Variants in RNF111 observed in about 807,000 individuals in gnomAD.
The protein encoded by RNF111 is E3 ubiquitin-protein ligase Arkadia.
RNF111 carries 17 observed loss-of-function variants against 95.1 expected under a neutral mutation model. The observed-to-expected ratio is 0.18, with a 90% CI of 0.12 to 0.27. The LOEUF is 0.27. RNF111 is among the 10% of genes least tolerant of loss of function. The pLI, the probability that RNF111 is intolerant of heterozygous loss-of-function variation, is 1.00. For missense variants in RNF111, 1,189 were observed against 1,210.4 expected (o/e 0.98, Z 0.26); for synonymous variants, 440 against 414.8 (o/e 1.06, Z -0.74).
chr15:59,021,179 C>G (rs2040323318), intron 1 of RNF111, among the ~76,000 whole-genome samples: 1 of 152,148 alleles, frequency 6.6e-6, no homozygotes, highest in African/African-American at 2.4e-5. Flanking sequence ...GAGATGAAGT[C>G]TTGCTCTGTT....
chr15:59,041,228 C>CT lies in RNF111; in HGVS notation c.880+9534dup, dbSNP rs1341960270. On this transcript the variant is annotated intron_variant, in intron 2 of 13. Coordinates refer to ENST00000348370, the MANE Select transcript of RNF111 (RefSeq NM_017610.8). ...CTCCTATTGATGAACAGTTTGCAGA[C>CT]TTTTTTTTATTATTTTAAATAGCAC... Among the ~76,000 whole-genome samples, 7 of 152,106 alleles carry CT rather than the reference C, an allele frequency of 4.6e-5. No homozygotes were observed. The South Asian group carries it at 8.3e-4, about 18-fold the overall frequency.
intron 2 of RNF111, among the ~76,000 whole-genome samples, chr15:59,051,939 A>G (rs2042005677): frequency 6.6e-6 from 1 of 152,130 alleles, no homozygotes; most frequent in African/African-American, 2.4e-5. Flanking sequence ...TTGAGCTATT[A>G]AAGGGTTAAT....
At position 59,068,018 on chromosome 15, in the gene RNF111, C is replaced by G. The variant is rs573811432; in HGVS notation, c.1686+935C>G. On this transcript the variant is annotated intron_variant, in intron 6 of 13. Transcript: ENST00000348370. Reference sequence around the variant, plus strand: ...AGTATTAAATTAGTATTGGCAATCACGTGGAGTAAAAGAAGTCAAGCGTTC... The same window carrying G: ...AGTATTAAATTAGTATTGGCAATCAGGTGGAGTAAAAGAAGTCAAGCGTTC... 4.6e-5 allele frequency among the ~76,000 whole-genome samples: 7 copies of G among 152,246 alleles called. No homozygotes were observed. The South Asian group carries it at 1.5e-3, about 32-fold the overall frequency.
At chr15:58,989,809 T>G (rs2038731355) in intron 1 of RNF111, among the ~76,000 whole-genome samples, 3 of 152,134 alleles carry the variant, frequency 2.0e-5, no homozygotes, top group Admixed American at 6.6e-5. Flanking sequence ...GTTATTTTAC[T>G]TTAAAATAAA....
intron 1 of RNF111, among the ~76,000 whole-genome samples, chr15:58,994,484 T>C (rs2038961107): frequency 7.0e-6 from 1 of 142,318 alleles, no homozygotes; most frequent in African/African-American, 2.6e-5. Flanking sequence ...TTTTTTTTTT[T>C]TTTTTTTTTT....
intron 1 of RNF111, among the ~76,000 whole-genome samples, chr15:59,023,975 G>C (rs1425332411): frequency 6.6e-6 from 1 of 152,088 alleles, no homozygotes; most frequent in African/African-American, 2.4e-5. Flanking sequence ...CCAAGAAGTA[G>C]CATGTAGATC....
At chr15:58,997,890 T>C (rs1293298410) in intron 1 of RNF111, among the ~76,000 whole-genome samples, 1 of 151,908 alleles carries the variant, frequency 6.6e-6, no homozygotes, top group Non-Finnish European at 1.5e-5. Flanking sequence ...GTGTTTTTTT[T>C]GTTTTTCTTT....
chr15:59,024,838 C>T (rs576070915), intron 1 of RNF111, among the ~76,000 whole-genome samples: 6 of 152,156 alleles, frequency 3.9e-5, no homozygotes, highest in Non-Finnish European at 8.8e-5. Context: ...TATTCTCCCC[C>T]TCCCTCAGGT....
chr15:58,998,565 C>A (rs1177240577), intron 1 of RNF111, among the ~76,000 whole-genome samples: 1 of 152,166 alleles, frequency 6.6e-6, no homozygotes, highest in Non-Finnish European at 1.5e-5. Context: ...GCAAACTAGT[C>A]ACTTCTTTCA....
intron 1 of RNF111, among the ~76,000 whole-genome samples, chr15:58,997,834 C>A (rs1458430622): frequency 6.6e-6 from 1 of 151,514 alleles, no homozygotes; most frequent in African/African-American, 2.4e-5. Flanking sequence ...AACAAAAACC[C>A]AAAAAATTTG....
chr15:59,043,293 T>C (rs1268512299), intron 2 of RNF111, among the ~76,000 whole-genome samples: 1 of 152,122 alleles, frequency 6.6e-6, no homozygotes, highest in African/African-American at 2.4e-5. Flanking sequence ...CAGCTGGGAT[T>C]ACAGGTACCT....
At chr15:59,039,163 C>T (rs2041327575) in intron 2 of RNF111, among the ~76,000 whole-genome samples, 2 of 152,028 alleles carry the variant, frequency 1.3e-5, no homozygotes, top group South Asian at 4.1e-4. Context: ...GAGGTTTTTC[C>T]ATGTTGGTCA....
At chr15:59,000,164 T>C (rs1484139608) in intron 1 of RNF111, among the ~76,000 whole-genome samples, 26 of 49,324 alleles carry the variant, frequency 5.3e-4, no homozygotes, top group African/African-American at 3.1e-3. Context: ...TTTTTTTCCC[T>C]TTTTTTTTTT....
intron 2 of RNF111, among the ~76,000 whole-genome samples, chr15:59,038,664 C>G (rs1408414469): frequency 6.6e-6 from 1 of 152,128 alleles, no homozygotes; most frequent in African/African-American, 2.4e-5. Flanking sequence ...AAATTGTAGA[C>G]ATCATTTTAC....
At chr15:59,016,576 C>G (rs1303111428) in intron 1 of RNF111, among the ~76,000 whole-genome samples, 2 of 152,136 alleles carry the variant, frequency 1.3e-5, no homozygotes, top group Admixed American at 1.3e-4. Context: ...CCATATTAGT[C>G]AACATTTTTC....
rs1455216086 is a variant in RNF111, at chr15:59,089,683, G to A, written c.2567G>A (p.Gly856Asp). 1.2e-6 allele frequency: 2 copies of A among 1,613,100 alleles called. No individual in the cohort carries two copies. Among genetic ancestry groups the A allele is most frequent in the Admixed American group, 3.3e-5 (2 of 59,998 alleles). Residue 856 changes from glycine (G) to aspartate (D), a missense_variant, in exon 11 of 14, where the codon GGC becomes GAC. Around this residue, in one of 2 missense-constraint regions of RNF111, gnomAD observed 165 missense variants for 284.6 expected, o/e 0.58. Coordinates refer to ENST00000348370, the MANE Select transcript of RNF111 (RefSeq NM_017610.8). ...ALPLMVPDMA[G>D]YPHIRYISSG... ...TTGAAATAGGTTCCTGATATGGCAG[G>A]CTATCCTCACATCCGTTACATTTCA...
intron 6 of RNF111, among the ~76,000 whole-genome samples, chr15:59,068,726 A>G (rs955732534): frequency 6.6e-6 from 1 of 152,080 alleles, no homozygotes. Flanking sequence ...TTCCTAAAGT[A>G]CTTGCCTCAT....
chr15:59,081,946 G>T (rs1277420659), intron 8 of RNF111, among the ~76,000 whole-genome samples: 1 of 152,152 alleles, frequency 6.6e-6, no homozygotes, highest in African/African-American at 2.4e-5. Context: ...GATCGTCTGA[G>T]CCCAGGGGGT....
intron 5 of RNF111, among the ~76,000 whole-genome samples, chr15:59,060,113 T>A (rs1438020871): frequency 6.6e-6 from 1 of 152,148 alleles, no homozygotes; most frequent in Non-Finnish European, 1.5e-5. Flanking sequence ...GCTCAGGTGA[T>A]CCTCCTACCT....
Sources: allele counts gnomAD v4.1 joint callset (sites outside exome capture counted in the v4.1 genomes callset), GRCh38; gene constraint gnomAD v4.1.1; regional missense constraint gnomAD v4.1.1; transcripts MANE v1.5; gene names NCBI Gene and HGNC (gene_info 2026-07-23, HGNC 2026-07-21).